Variants in PSD3 observed in about 807,000 individuals in gnomAD.
PSD3 encodes PH and SEC7 domain-containing protein 3.
A neutral mutation model predicts 105.5 loss-of-function variants in PSD3; 49 were observed. The ratio of observed to expected loss-of-function variants is 0.46; its 90% CI spans 0.37 to 0.59. PSD3 has a LOEUF of 0.59. PSD3 is among the 20% of genes least tolerant of loss of function. PSD3 has a pLI of 0.00. For synonymous variants in PSD3, 557 were observed against 457.8 expected (o/e 1.22, Z -2.77); for missense variants, 1,561 against 1,263.8 (o/e 1.24, Z -3.57).
At chr8:18,606,644 G>GA (rs1287205262) in intron 11 of PSD3, among the ~76,000 whole-genome samples, 22 of 152,130 alleles carry the variant, frequency 1.4e-4, no homozygotes, top group African/African-American at 5.3e-4. Flanking sequence ...GGATGCAGGA[G>GA]ATATTGCAGA....
intron 1 of PSD3, among the ~76,000 whole-genome samples, chr8:18,988,608 CA>C (rs5889839): frequency 0.31 from 46,679 of 151,902 alleles, 7,382 homozygotes; most frequent in Non-Finnish European, 0.35. Context: ...ACCCAACCCC[CA>C]ATGCCAAGCT....
At position 18,826,892 on chromosome 8, in the gene PSD3, C is replaced by T. The variant is rs550867165; in HGVS notation, c.1635-21994G>A. ...TAATATAATTAGTACCAGCTCATAC[C>T]AAAGTGATATCAATGGTATGATAAT... is the stretch of plus-strand genomic sequence containing the variant. On this transcript the variant is annotated intron_variant, in intron 4 of 15. Coordinates refer to ENST00000327040, the MANE Select transcript of PSD3 (RefSeq NM_015310.4). 5.3e-5 allele frequency among the ~76,000 whole-genome samples: 8 copies of T among 152,154 alleles called. No homozygotes were observed. The East Asian group carries it at 1.2e-3, about 22-fold the overall frequency.
chr8:18,799,295 G>C lies in PSD3; in HGVS notation c.2082C>G (p.His694Gln). 1 of 1,598,798 alleles carries C rather than the reference G, an allele frequency of 6.3e-7. No individual in the cohort carries two copies. The highest frequency in any genetic ancestry group is 1.7e-4 in the Middle Eastern group (1 of 6,044). Reference sequence around the variant, plus strand: ...CTAAGTTTCACAAATCCACACTTACGTGGCCATGTAGATCGGTATTAAGAA... The same window carrying C: ...CTAAGTTTCACAAATCCACACTTACCTGGCCATGTAGATCGGTATTAAGAA... ...IMLLNTDLHG[H>Q]NIGKKMTCQE... is the part of the protein sequence containing the mutation. The change falls in exon 8 of 16, where the codon CAC (histidine) becomes CAG (glutamine). Residue 694 changes from histidine (H) to glutamine (Q), a missense_variant and splice_region_variant. By Grantham distance (24) the His-to-Gln change is conservative. Transcript: ENST00000327040.
At position 18,929,795 on chromosome 8, in the gene PSD3, C is replaced by A. The variant is rs78726459; in HGVS notation, c.130+6239G>T. ...ACTGACCCTCGATGAAGCAAAAATCCAGGAAACAGAAGATAATCTCAGGGG... is the reference window on the plus strand; with the variant it reads ...ACTGACCCTCGATGAAGCAAAAATCAAGGAAACAGAAGATAATCTCAGGGG... On this transcript the variant is annotated intron_variant, in intron 2 of 15. Transcript: ENST00000327040. Among the ~76,000 whole-genome samples, 31 of 151,834 alleles carry A rather than the reference C, an allele frequency of 2.0e-4. No homozygotes were observed. In the East Asian group the frequency reaches 5.4e-3, roughly 27 times the overall value.
At chr8:18,635,389 A>T (rs1053764989) in intron 10 of PSD3, among the ~76,000 whole-genome samples, 82 of 152,328 alleles carry the variant, frequency 5.4e-4, no homozygotes, top group African/African-American at 1.9e-3. Context: ...TATGTATCAT[A>T]TAACAATGTG....
intron 1 of PSD3, among the ~76,000 whole-genome samples, chr8:19,081,433 G>C (rs1829642208): frequency 6.6e-6 from 1 of 152,192 alleles, no homozygotes; most frequent in Admixed American, 6.5e-5. Flanking sequence ...CAGAGCCCTG[G>C]ACTGGGGGTA....
intron 1 of PSD3, among the ~76,000 whole-genome samples, chr8:18,963,413 C>T (rs1824044597): frequency 6.6e-6 from 1 of 152,188 alleles, no homozygotes; most frequent in Admixed American, 6.5e-5. Flanking sequence ...GAGCCTCTGA[C>T]GTTTCTGTGG....
chr8:19,018,115 T>C (rs777960798), upstream of PSD3, among the ~76,000 whole-genome samples: 5 of 152,200 alleles, frequency 3.3e-5, no homozygotes, highest in Non-Finnish European at 7.3e-5. Context: ...AAGTGGTAGA[T>C]TGATTGTGTG....
chr8:18,748,951 G>C (rs1410745653), intron 9 of PSD3, among the ~76,000 whole-genome samples: 1 of 152,196 alleles, frequency 6.6e-6, no homozygotes, highest in Non-Finnish European at 1.5e-5. Context: ...GCTTTTAAAA[G>C]TTTAGAAATA....
Position 18,607,325 on chromosome 8 carries a change from A to G in PSD3, c.2411-6891T>C, listed in dbSNP as rs1585370636. Among the ~76,000 whole-genome samples the G allele has an allele frequency of 2.0e-5, 3 of 152,346 alleles. No homozygotes were observed. In the East Asian group the frequency reaches 5.8e-4, roughly 29 times the overall value. On this transcript the variant is annotated intron_variant, in intron 11 of 15. Coordinates refer to ENST00000327040, the MANE Select transcript of PSD3 (RefSeq NM_015310.4). Reference sequence around the variant, plus strand: ...TACTAATAATTACAGAAGTAGTAATAGCACAGCAAATGATTGCTGAACACA... The same window carrying G: ...TACTAATAATTACAGAAGTAGTAATGGCACAGCAAATGATTGCTGAACACA...
chr8:18,870,607 C>A (rs1586281782), intron 3 of PSD3, among the ~76,000 whole-genome samples: 1 of 151,466 alleles, frequency 6.6e-6, no homozygotes, highest in Admixed American at 6.6e-5. Flanking sequence ...TGCAGCAAAC[C>A]ACCATGGCAC....
intron 1 of PSD3, among the ~76,000 whole-genome samples, chr8:19,049,370 C>T (rs754372592): frequency 1.3e-5 from 2 of 152,106 alleles, no homozygotes; most frequent in Non-Finnish European, 2.9e-5. Context: ...GCTTCTAAGA[C>T]CTTCATGTGC....
chr8:19,018,767 C>T (rs930013011), intron 1 of PSD3, among the ~76,000 whole-genome samples: 1 of 152,116 alleles, frequency 6.6e-6, no homozygotes, highest in African/African-American at 2.4e-5. Flanking sequence ...ATTTGACTAC[C>T]CAAGTCTATC....
chr8:19,040,763 G>A (rs745985862), intron 1 of PSD3, among the ~76,000 whole-genome samples: 1 of 152,160 alleles, frequency 6.6e-6, no homozygotes, highest in Non-Finnish European at 1.5e-5. Flanking sequence ...TAACTGATGA[G>A]GTGTAATATC....
rs563115790 is a variant in PSD3, at chr8:18,739,796, T to C, written c.2172+25653A>G. ...ATGCCCATTACCTCAAATACTTTTT[T>C]GCAGTGAGAACATTTGAAATTGACC... On this transcript the variant is annotated intron_variant, in intron 9 of 15. Transcript: ENST00000327040. Among the ~76,000 whole-genome samples, 8 of 152,348 alleles carry C rather than the reference T, an allele frequency of 5.3e-5. 1 individual carries two copies. The highest frequency in any genetic ancestry group is 1.9e-4 in the African/African-American group (8 of 41,580).
Position 18,834,376 on chromosome 8 carries a change from T to C in PSD3, c.1635-29478A>G, listed in dbSNP as rs1813921799. On this transcript the variant is annotated intron_variant, in intron 4 of 15. Coordinates refer to ENST00000327040, the MANE Select transcript of PSD3 (RefSeq NM_015310.4). ...AATGGAAAGGGCTTTTGGGTACCCATAAGAGAAAGATTAATACAACAAATC... is the reference window on the plus strand; with the variant it reads ...AATGGAAAGGGCTTTTGGGTACCCACAAGAGAAAGATTAATACAACAAATC... Among the ~76,000 whole-genome samples, 4 of 152,244 alleles carry C rather than the reference T, an allele frequency of 2.6e-5. No homozygotes were observed. The South Asian group carries it at 8.3e-4, about 32-fold the overall frequency.
intron 9 of PSD3, among the ~76,000 whole-genome samples, chr8:18,704,069 T>C (rs1206466025): frequency 6.6e-6 from 1 of 152,176 alleles, no homozygotes; most frequent in East Asian, 1.9e-4. Context: ...AAGCAAAGCA[T>C]GATGTACCAA....
At chr8:19,069,782 C>T (rs1829193006) in intron 1 of PSD3, among the ~76,000 whole-genome samples, 1 of 152,126 alleles carries the variant, frequency 6.6e-6, no homozygotes, top group African/African-American at 2.4e-5. Flanking sequence ...AGAACTGACT[C>T]TAAACTAAGG....
chr8:18,778,737 C>T (rs1808328497), intron 8 of PSD3, among the ~76,000 whole-genome samples: 1 of 151,528 alleles, frequency 6.6e-6, no homozygotes, highest in Non-Finnish European at 1.5e-5. Flanking sequence ...TAATTTTTGA[C>T]CTTTTTGTGA....
Sources: gnomAD v4.1 joint callset for allele counts (sites outside exome capture counted in the v4.1 genomes callset) on GRCh38, gnomAD v4.1.1 for gene constraint, MANE v1.5 for transcripts, NCBI Gene and HGNC (gene_info 2026-07-23, HGNC 2026-07-21) for gene names.